Variants in IGF2BP2 observed in about 807,000 individuals in gnomAD.
IGF2BP2 encodes insulin-like growth factor 2 mRNA-binding protein 2.
IGF2BP2 carries 17 observed loss-of-function variants against 75.8 expected under a neutral mutation model. The ratio of observed to expected loss-of-function variants is 0.22; its 90% CI spans 0.15 to 0.34. The LOEUF is 0.34. IGF2BP2 is among the 10% of genes least tolerant of loss of function. The pLI, the probability that IGF2BP2 is intolerant of heterozygous loss-of-function variation, is 1.00. For synonymous variants in IGF2BP2, 288 were observed against 295.6 expected (o/e 0.97, Z 0.26); for missense variants, 516 against 772.4 (o/e 0.67, Z 3.93).
At chr3:185,771,798 T>C (rs2149754005) in intron 2 of IGF2BP2, among the ~76,000 whole-genome samples, 1 of 152,306 alleles carries the variant, frequency 6.6e-6, no homozygotes, top group East Asian at 1.9e-4. Context: ...TTGCAACACT[T>C]AGTCTTGGTA....
intron 2 of IGF2BP2, among the ~76,000 whole-genome samples, chr3:185,741,068 G>A: frequency 6.6e-6 from 1 of 152,058 alleles, no homozygotes; most frequent in East Asian, 1.9e-4. Flanking sequence ...TAGAGACGGG[G>A]TTTCACTGTG....
At chr3:185,718,484 G>A (rs982048725) in intron 2 of IGF2BP2, among the ~76,000 whole-genome samples, 1 of 152,014 alleles carries the variant, frequency 6.6e-6, no homozygotes, top group Non-Finnish European at 1.5e-5. Flanking sequence ...TCAGGAGATT[G>A]AGACCATCGT....
intron 12 of IGF2BP2, among the ~76,000 whole-genome samples, chr3:185,656,106 T>C (rs923455099): frequency 6.6e-6 from 1 of 152,254 alleles, no homozygotes; most frequent in African/African-American, 2.4e-5. Flanking sequence ...TCCTTTCTCC[T>C]GCCGGCATCT....
intron 10 of IGF2BP2, among the ~76,000 whole-genome samples, chr3:185,665,187 AGAG>A (rs1423457468): frequency 2.0e-4 from 30 of 147,618 alleles, no homozygotes; most frequent in East Asian, 2.0e-4. Flanking sequence ...AAAAAAAAAA[AGAG>A]GAGAAGAAGG....
intron 2 of IGF2BP2, among the ~76,000 whole-genome samples, chr3:185,773,937 C>A (rs577771195): frequency 6.6e-6 from 1 of 152,166 alleles, no homozygotes; most frequent in Non-Finnish European, 1.5e-5. Context: ...TCAGCTCCTT[C>A]GCGGAGATCT....
intron 2 of IGF2BP2, chr3:185,728,782 G>A (rs1014053550): frequency 2.6e-5 from 4 of 152,200 alleles, no homozygotes; most frequent in South Asian, 2.1e-4. Context: ...TCAAAACCCC[G>A]AGTCATGCTC....
chr3:185,696,447 C>T (rs1722592027), intron 4 of IGF2BP2, 165 bp downstream of exon 4: 1 of 610,760 alleles, frequency 1.6e-6, no homozygotes, highest in Admixed American at 2.9e-5. Flanking sequence ...AGATATCTCT[C>T]ACATCTATGT....
intron 2 of IGF2BP2, among the ~76,000 whole-genome samples, chr3:185,812,628 G>A (rs1380739660): frequency 6.6e-6 from 1 of 152,186 alleles, no homozygotes; most frequent in African/African-American, 2.4e-5. Context: ...ACTGTAGGGT[G>A]GGTGCTTACA....
chr3:185,762,526 C>T (rs1431439885), intron 2 of IGF2BP2, among the ~76,000 whole-genome samples: 8 of 135,226 alleles, frequency 5.9e-5, no homozygotes, highest in African/African-American at 1.9e-4. Flanking sequence ...GAGGGAAGCT[C>T]GGTCTCAAAA....
At chr3:185,665,706 C>T (rs1717458179) in intron 10 of IGF2BP2, among the ~76,000 whole-genome samples, 1 of 152,154 alleles carries the variant, frequency 6.6e-6, no homozygotes, top group Non-Finnish European at 1.5e-5. Context: ...GCGGCTCACA[C>T]CTGTAATCCC....
intron 2 of IGF2BP2, among the ~76,000 whole-genome samples, chr3:185,788,924 G>T (rs146547305): frequency 4.1e-4 from 62 of 152,130 alleles, no homozygotes; most frequent in Middle Eastern, 3.4e-3. Flanking sequence ...TGTTGCCCAG[G>T]CTGGTCTCAA....
chr3:185,716,853 C>T, intron 2 of IGF2BP2: 1 of 498,574 alleles, frequency 2.0e-6, no homozygotes. Context: ...AGAGCTCCGA[C>T]AGCCCTTACC....
chr3:185,692,700 T>G lies in IGF2BP2; in HGVS notation c.403A>C (p.Ile135Leu). 6.2e-7 allele frequency: 1 copy of G among 1,612,606 alleles called. No individual in the cohort carries two copies. Among genetic ancestry groups the G allele is most frequent in the African/African-American group, 1.3e-5 (1 of 75,034 alleles). ...AGAAATAAGCCCAAATCTGCTTACA[T>G]TTTTGCTTCTTCTCTTGTTGCATAT... is the stretch of plus-strand genomic sequence containing the variant. The part of the protein sequence containing the change: ...VTYATREEAK[I>L]AMEKLSGHQF... Residue 135 changes from isoleucine (I) to leucine (L), a missense_variant and splice_region_variant, in exon 5 of 16, where the codon ATA becomes CTA. Transcript: ENST00000382199.
chr3:185,743,270 T>C (rs1436104101), intron 2 of IGF2BP2, among the ~76,000 whole-genome samples: 6 of 152,058 alleles, frequency 3.9e-5, no homozygotes, highest in Non-Finnish European at 7.4e-5. Context: ...TATATTTTAA[T>C]TTTTTTATTT....
chr3:185,664,574 C>T (rs1716986102), intron 10 of IGF2BP2, among the ~76,000 whole-genome samples: 2 of 152,136 alleles, frequency 1.3e-5, no homozygotes, highest in Admixed American at 6.5e-5. Context: ...CAGGACAGTG[C>T]TTCAATAATT....
intron 2 of IGF2BP2, among the ~76,000 whole-genome samples, chr3:185,798,517 T>C (rs1737743221): frequency 6.6e-6 from 1 of 152,244 alleles, no homozygotes; most frequent in South Asian, 2.1e-4. Flanking sequence ...ACTTGGAGTA[T>C]ATTATTTTAA....
chr3:185,773,324 T>G (rs1022738562), intron 2 of IGF2BP2, among the ~76,000 whole-genome samples: 1 of 152,234 alleles, frequency 6.6e-6, no homozygotes, highest in African/African-American at 2.4e-5. Context: ...CACTATAGAC[T>G]ATAGAACTTG....
At chr3:185,800,951 A>G (rs1391296315) in intron 2 of IGF2BP2, among the ~76,000 whole-genome samples, 3 of 152,176 alleles carry the variant, frequency 2.0e-5, no homozygotes, top group African/African-American at 7.2e-5. Flanking sequence ...AAAATTTTGC[A>G]ATCTAACCAC....
At chr3:185,715,409 C>A (rs1201142617) in intron 2 of IGF2BP2, among the ~76,000 whole-genome samples, 1 of 152,194 alleles carries the variant, frequency 6.6e-6, no homozygotes, top group Non-Finnish European at 1.5e-5. Context: ...AATCATCACG[C>A]CCCACACAGA....
Sources: allele counts gnomAD v4.1 joint callset (sites outside exome capture counted in the v4.1 genomes callset), GRCh38; gene constraint gnomAD v4.1.1; transcripts MANE v1.5; gene names NCBI Gene and HGNC (gene_info 2026-07-23, HGNC 2026-07-21).